Variants in C6orf89 observed in about 807,000 individuals in gnomAD.
C6orf89 encodes bombesin receptor-activated protein C6orf89.
In C6orf89, 29 loss-of-function variants were observed where a neutral mutation model predicts 40.7. The ratio of observed to expected loss-of-function variants is 0.71; its 90% confidence interval spans 0.53 to 0.97. C6orf89 has a LOEUF of 0.97. Among genes scored for constraint, C6orf89 ranks in the 50% least tolerant of loss-of-function variants. The pLI, the probability that C6orf89 is intolerant of heterozygous loss-of-function variation, is 0.00. For synonymous variants in C6orf89, 165 were observed against 152.2 expected, an observed-to-expected ratio of 1.08 and a Z score of -0.62; for missense variants, 392 against 429.1, an observed-to-expected ratio of 0.91 and a Z score of 0.76.
intron 1 of C6orf89, among the ~76,000 whole-genome samples, chr6:36,886,776 A>T (rs937504588): frequency 7.9e-5 from 12 of 152,086 alleles, no homozygotes; most frequent in African/African-American, 2.4e-4. Context: ...CTGTGGTGGG[A>T]TCTTCTATAG....
At chr6:36,921,411 G>A (rs1001889129) in intron 8 of C6orf89, among the ~76,000 whole-genome samples, 8 of 152,142 alleles carry the variant, frequency 5.3e-5, no homozygotes, top group African/African-American at 1.9e-4. Flanking sequence ...ACCATGACAT[G>A]CAAGTTCTAT....
At chr6:36,904,560 A>AC (rs1761854679) in intron 4 of C6orf89, among the ~76,000 whole-genome samples, 1 of 152,210 alleles carries the variant, frequency 6.6e-6, no homozygotes, top group African/African-American at 2.4e-5. Flanking sequence ...AAAGTTAAAA[A>AC]CACGTAATTA....
chr6:36,875,590 G>A (rs1561851386), intron 1 of C6orf89, among the ~76,000 whole-genome samples: 1 of 152,100 alleles, frequency 6.6e-6, no homozygotes, highest in Non-Finnish European at 1.5e-5. Context: ...GAGCTATAAT[G>A]TTTGGAGGGA....
At position 36,916,641 on chromosome 6, in the gene C6orf89, C is replaced by A; in HGVS notation, c.825+67C>A. 5 of 1,590,632 alleles carry A rather than the reference C, an allele frequency of 3.1e-6. No individual in the cohort carries two copies. In the East Asian group the frequency reaches 9.0e-5, roughly 29 times the overall value. On this transcript the variant is annotated intron_variant, in intron 7 of 8. Transcript: ENST00000480824. Reference sequence around the variant, plus strand: ...TTTGGGACCTGGACTGATGTCATAACCAAGGCCTTCCCTGCATATTGGCTT... The same window carrying A: ...TTTGGGACCTGGACTGATGTCATAAACAAGGCCTTCCCTGCATATTGGCTT...
At chr6:36,897,508 A>G (rs781258312) in intron 2 of C6orf89, among the ~76,000 whole-genome samples, 5 of 152,264 alleles carry the variant, frequency 3.3e-5, no homozygotes, top group Non-Finnish European at 5.9e-5. Flanking sequence ...CTGTCTTTTT[A>G]TCTGAATGTG....
chr6:36,914,201 T>G, intron 4 of C6orf89, 83 bp from the exon 5 acceptor site: 1 of 1,231,586 alleles, frequency 8.1e-7, no homozygotes, highest in Non-Finnish European at 1.1e-6. Context: ...TGTCTTTCCT[T>G]TCTTGTTTCA....
chr6:36,916,599 A>C, intron 7 of C6orf89, 25 bp downstream of exon 7: 1 of 1,354,558 alleles, frequency 7.4e-7, no homozygotes, highest in Non-Finnish European at 1.0e-6. Context: ...GAGGACTTGG[A>C]TCTAGAATTT....
intron 8 of C6orf89, among the ~76,000 whole-genome samples, 154 bp from the exon 9 acceptor site, chr6:36,923,193 A>G (rs1317893791): frequency 6.6e-6 from 1 of 152,110 alleles, no homozygotes; most frequent in Non-Finnish European, 1.5e-5. Context: ...AAAGAAAAAG[A>G]AAAAAAAGGA....
chr6:36,887,542 T>A (rs1302054471), intron 1 of C6orf89, among the ~76,000 whole-genome samples: 1 of 151,956 alleles, frequency 6.6e-6, no homozygotes, highest in African/African-American at 2.4e-5. Flanking sequence ...TCTTAAAGAG[T>A]TCACTTATTG....
intron 4 of C6orf89, among the ~76,000 whole-genome samples, chr6:36,909,252 T>C (rs1415275278): frequency 6.6e-6 from 1 of 151,380 alleles, no homozygotes; most frequent in Non-Finnish European, 1.5e-5. Flanking sequence ...TATATAGATA[T>C]ACTTTTTTTC....
chr6:36,902,273 C>G lies in C6orf89; in HGVS notation c.242C>G (p.Pro81Arg), dbSNP rs942449983. The change falls in exon 4 of 9, where the codon CCT becomes CGT. Residue 81 changes from proline (P) to arginine (R), a missense_variant. Physicochemically the swap from Pro to Arg is moderately radical, Grantham distance 103 (BLOSUM62 -2). Coordinates refer to ENST00000480824, the MANE Select transcript of C6orf89 (RefSeq NM_001286635.2). Reference sequence around the variant, plus strand: ...CTCACTGCCTACTTTGTGATTCAACCTTTCAGCCCATTAGCACCTGAGCCA... The same window carrying G: ...CTCACTGCCTACTTTGTGATTCAACGTTTCAGCCCATTAGCACCTGAGCCA... ...ILLTAYFVIQ[P>R]FSPLAPEPVL... 9 of 1,614,030 alleles carry G rather than the reference C, an allele frequency of 5.6e-6. No homozygotes were observed. The highest frequency in any genetic ancestry group is 3.3e-5 in the Admixed American group (2 of 59,996).
intron 3 of C6orf89, 92 bp downstream of exon 3, chr6:36,899,725 G>A (rs1264551153): frequency 3.2e-6 from 4 of 1,255,884 alleles, no homozygotes; most frequent in Non-Finnish European, 4.5e-6. Context: ...TCCCACCACT[G>A]AGCATTGGTT....
At chr6:36,900,731 G>A (rs1761647317) in intron 3 of C6orf89, among the ~76,000 whole-genome samples, 1 of 151,830 alleles carries the variant, frequency 6.6e-6, no homozygotes, top group East Asian at 1.9e-4. Context: ...GAACTCCTGG[G>A]CTCAAGTGAC....
At chr6:36,899,733 GT>G (rs1761591696) in intron 3 of C6orf89, 100 bp downstream of exon 3, 9 of 1,173,598 alleles carry the variant, frequency 7.7e-6, no homozygotes, top group Non-Finnish European at 9.8e-6. Flanking sequence ...CTGAGCATTG[GT>G]TTTTCCGTGA....
intron 3 of C6orf89, among the ~76,000 whole-genome samples, chr6:36,901,088 C>G (rs2150693098): frequency 6.7e-6 from 1 of 150,274 alleles, no homozygotes; most frequent in Admixed American, 6.6e-5. Context: ...TCAGGTGATC[C>G]ACTCACCTCA....
intron 1 of C6orf89, among the ~76,000 whole-genome samples, chr6:36,892,225 G>A (rs1761232169): frequency 6.6e-6 from 1 of 152,188 alleles, no homozygotes; most frequent in Non-Finnish European, 1.5e-5. Context: ...TGAAAGCAAG[G>A]TTTCTTGACC....
At chr6:36,874,711 C>T (rs1445421885) in intron 1 of C6orf89, 4 of 1,613,914 alleles carry the variant, frequency 2.5e-6, no homozygotes, top group Non-Finnish European at 3.4e-6. Flanking sequence ...GCCCGAACCC[C>T]CTCACCTGGT....
At chr6:36,915,567 C>A (rs1290535577) in intron 6 of C6orf89, among the ~76,000 whole-genome samples, 1 of 151,926 alleles carries the variant, frequency 6.6e-6, no homozygotes, top group Non-Finnish European at 1.5e-5. Context: ...CATAGGGAGA[C>A]CCCATCTCTA....
upstream of C6orf89, among the ~76,000 whole-genome samples, chr6:36,882,170 T>C (rs1774831602): frequency 6.6e-6 from 1 of 152,248 alleles, no homozygotes; most frequent in Non-Finnish European, 1.5e-5. Context: ...TGTTTTTTCC[T>C]TTAAAATTTT....
Sources: allele counts gnomAD v4.1 joint callset (sites outside exome capture counted in the v4.1 genomes callset), GRCh38; gene constraint gnomAD v4.1.1; transcripts MANE v1.5; gene names NCBI Gene and HGNC (gene_info 2026-07-23, HGNC 2026-07-21).